PTPRD: variants seen among roughly 807,000 people sequenced by gnomAD.
PTPRD encodes protein tyrosine phosphatase receptor type D, also known as receptor-type tyrosine-protein phosphatase delta.
A neutral mutation model predicts 214.5 loss-of-function variants in PTPRD; 34 were observed. The ratio of observed to expected loss-of-function variants is 0.16; its 90% confidence interval spans 0.12 to 0.21. PTPRD has a LOEUF of 0.21. PTPRD is among the 10% of genes least tolerant of loss of function. The probability of loss-of-function intolerance (pLI) is 1.00; values close to 1 mark genes in which losing one functional copy is unlikely to be tolerated. For missense variants in PTPRD, 2,545 were observed against 2,398.7 expected (o/e 1.06, Z -1.27); for synonymous variants, 1,128 against 845.7 (o/e 1.33, Z -5.79).
At chr9:8,897,303 A>G (rs1465543370) in intron 11 of PTPRD, among the ~76,000 whole-genome samples, 1 of 140,104 alleles carries the variant, frequency 7.1e-6, no homozygotes, top group East Asian at 2.2e-4. Context: ...AGCATAAGAG[A>G]AGTTTACAAA....
chr9:10,389,716 C>G (rs1036917390), intron 2 of PTPRD, among the ~76,000 whole-genome samples: 12 of 151,842 alleles, frequency 7.9e-5, no homozygotes, highest in Non-Finnish European at 1.2e-4. Context: ...CCATACCACT[C>G]ATCATTGACT....
intron 7 of PTPRD, among the ~76,000 whole-genome samples, chr9:9,695,698 T>C (rs1260033166): frequency 6.6e-6 from 1 of 152,216 alleles, no homozygotes; most frequent in Non-Finnish European, 1.5e-5. Flanking sequence ...TGATGCATCA[T>C]GTTCACTGTT....
At chr9:9,921,057 G>C (rs893973322) in intron 5 of PTPRD, among the ~76,000 whole-genome samples, 1 of 152,026 alleles carries the variant, frequency 6.6e-6, no homozygotes, top group Non-Finnish European at 1.5e-5. Flanking sequence ...GCAAAGGACA[G>C]CCTTTTACAG....
chr9:9,330,797 A>G (rs1189258126), intron 9 of PTPRD, among the ~76,000 whole-genome samples: 1 of 151,938 alleles, frequency 6.6e-6, no homozygotes. Flanking sequence ...ATAAATATTG[A>G]AAAGTACTAA....
chr9:8,696,418 G>T (rs1449756187), intron 12 of PTPRD, among the ~76,000 whole-genome samples: 3 of 152,168 alleles, frequency 2.0e-5, no homozygotes, highest in African/African-American at 7.2e-5. Flanking sequence ...GATGTGTGGA[G>T]GAAAACAGTT....
intron 3 of PTPRD, among the ~76,000 whole-genome samples, chr9:10,254,035 A>C (rs972573332): frequency 6.6e-6 from 1 of 152,208 alleles, no homozygotes; most frequent in Non-Finnish European, 1.5e-5. Context: ...ATTTCCCCGT[A>C]ATCTTAAAGA....
intron 5 of PTPRD, among the ~76,000 whole-genome samples, chr9:9,786,368 G>A (rs886725073): frequency 1.3e-5 from 2 of 152,150 alleles, no homozygotes; most frequent in Non-Finnish European, 2.9e-5. Flanking sequence ...AACTTTATTA[G>A]CATCGAGAGA....
At chr9:9,534,376 C>T (rs2076102989) in intron 8 of PTPRD, among the ~76,000 whole-genome samples, 1 of 151,948 alleles carries the variant, frequency 6.6e-6, no homozygotes, top group East Asian at 1.9e-4. Flanking sequence ...TCTCATTTGG[C>T]TTTGTTTAGA....
chr9:9,903,983 C>T (rs1044317929), intron 5 of PTPRD, among the ~76,000 whole-genome samples: 2 of 152,100 alleles, frequency 1.3e-5, no homozygotes, highest in Non-Finnish European at 2.9e-5. Flanking sequence ...TGGGTCAAAG[C>T]CCCTGCTTCA....
intron 8 of PTPRD, among the ~76,000 whole-genome samples, chr9:9,533,572 C>T (rs1457209021): frequency 6.6e-6 from 1 of 151,926 alleles, no homozygotes; most frequent in East Asian, 1.9e-4. Flanking sequence ...CTGTGTTTCC[C>T]TTGAATAAAA....
chr9:9,648,198 T>C (rs1434481447), intron 7 of PTPRD, among the ~76,000 whole-genome samples: 2 of 152,032 alleles, frequency 1.3e-5, no homozygotes, highest in Non-Finnish European at 2.9e-5. Context: ...TTTGAATCTA[T>C]GTATAAATCT....
At chr9:9,332,154 GA>G (rs1368393867) in intron 9 of PTPRD, among the ~76,000 whole-genome samples, 1 of 152,052 alleles carries the variant, frequency 6.6e-6, no homozygotes, top group Non-Finnish European at 1.5e-5. Flanking sequence ...CAAATTGTAA[GA>G]ATGTGGATAT....
At chr9:9,365,909 G>C (rs542288137) in intron 9 of PTPRD, among the ~76,000 whole-genome samples, 2 of 151,568 alleles carry the variant, frequency 1.3e-5, no homozygotes, top group African/African-American at 4.8e-5. Context: ...CATTAGAATT[G>C]TGGTAACTGA....
intron 11 of PTPRD, among the ~76,000 whole-genome samples, chr9:8,822,630 A>C (rs967254940): frequency 5.3e-5 from 8 of 152,208 alleles, no homozygotes; most frequent in African/African-American, 1.9e-4. Context: ...TATCAATAAC[A>C]ATATTATTGA....
At chr9:9,176,942 A>C (rs1186504178) in intron 10 of PTPRD, among the ~76,000 whole-genome samples, 1 of 152,154 alleles carries the variant, frequency 6.6e-6, no homozygotes, top group African/African-American at 2.4e-5. Flanking sequence ...AGATGGTCAA[A>C]ATATGTCCTA....
chr9:9,661,672 G>C (rs567949494), intron 7 of PTPRD, among the ~76,000 whole-genome samples: 1 of 151,630 alleles, frequency 6.6e-6, no homozygotes, highest in African/African-American at 2.4e-5. Context: ...ATTCAACTAG[G>C]GTCTTGCAAA....
chr9:9,228,632 A>C (rs2099961067), intron 9 of PTPRD, among the ~76,000 whole-genome samples: 1 of 152,050 alleles, frequency 6.6e-6, no homozygotes, highest in Admixed American at 6.6e-5. Flanking sequence ...AACTTGAAAA[A>C]ACTTACTTGA....
At chr9:9,308,243 G>T (rs1957756728) in intron 9 of PTPRD, among the ~76,000 whole-genome samples, 1 of 152,068 alleles carries the variant, frequency 6.6e-6, no homozygotes, top group African/African-American at 2.4e-5. Flanking sequence ...TAATGACACA[G>T]AACTCATATT....
intron 14 of PTPRD, among the ~76,000 whole-genome samples, chr9:8,569,790 A>C (rs1300348657): frequency 7.7e-6 from 1 of 129,360 alleles, no homozygotes; most frequent in African/African-American, 2.9e-5. Context: ...GGAAGATATA[A>C]ATTGGAAAAA....
Sources: gnomAD v4.1 joint callset for allele counts (sites outside exome capture counted in the v4.1 genomes callset) on GRCh38, gnomAD v4.1.1 for gene constraint, MANE v1.5 for transcripts, NCBI Gene and HGNC (gene_info 2026-07-23, HGNC 2026-07-21) for gene names.